PON2: variants seen among roughly 807,000 people sequenced by gnomAD.
PON2 encodes the protein serum paraoxonase/arylesterase 2.
PON2 carries 27 observed loss-of-function variants against 36.6 expected under a neutral mutation model. The ratio of observed to expected loss-of-function variants is 0.74; its 90% CI spans 0.54 to 1.02. PON2 has a LOEUF of 1.02. PON2 is among the 50% of genes least tolerant of loss of function. The probability of loss-of-function intolerance (pLI) is 0.00; values close to 1 mark genes in which losing one functional copy is unlikely to be tolerated. For synonymous variants in PON2, 149 were observed against 156.3 expected, an observed-to-expected ratio of 0.95 and a Z score of 0.35; for missense variants, 363 against 421.1, an observed-to-expected ratio of 0.86 and a Z score of 1.21.
chr7:95,428,541 G>A (rs940262960), intron 1 of PON2, among the ~76,000 whole-genome samples: 4 of 151,904 alleles, frequency 2.6e-5, no homozygotes, highest in East Asian at 1.9e-4. Flanking sequence ...CTTTTCTATC[G>A]CATTTCAGTT....
Position 95,405,401 on chromosome 7 carries a change from C to T in PON2, c.994G>A (p.Val332Ile), listed in dbSNP as rs1286644936. The change falls in exon 9 of 9, where the codon GTA becomes ATA. Residue 332 changes from valine to isoleucine, a missense_variant. Transcript: ENST00000222572. ...AGCTTCCCATCATACACTGAGGCTA[C>T]AGAACTTCCTTGGAGAACAGACCCA... ...NNGSVLQGSS[V>I]ASVYDGKLLI... is the part of the protein sequence containing the mutation. 6.2e-7 allele frequency: 1 copy of T among 1,613,926 alleles called. No individual in the cohort carries two copies. The highest frequency in any genetic ancestry group is 1.7e-5 in the Admixed American group (1 of 60,022).
intron 2 of PON2, among the ~76,000 whole-genome samples, chr7:95,417,206 A>G (rs941107511): frequency 1.3e-5 from 2 of 152,198 alleles, no homozygotes; most frequent in African/African-American, 4.8e-5. Flanking sequence ...AACAGCATCT[A>G]TCTATCCAGC....
intron 3 of PON2, chr7:95,413,008 G>GT (rs1788972126): frequency 1.2e-5 from 2 of 162,394 alleles, no homozygotes; most frequent in South Asian, 3.5e-4. Context: ...GTCAGGCCTG[G>GT]TGGCTCATGC....
In PON2 at chr7:95,412,452, C is replaced by T; in HGVS notation, c.227G>A (p.Ser76Asn). 2.5e-6 allele frequency: 4 copies of T among 1,614,058 alleles called. No individual in the cohort carries two copies. The highest frequency in any genetic ancestry group is 3.4e-6 in the Non-Finnish European group (4 of 1,179,990). Reference sequence around the variant, plus strand: ...TCCTCCAGGCTTATCTGGTGCAAAGCTGTGGAGTCCTGGGAATTTTAGACC... The same window carrying T: ...TCCTCCAGGCTTATCTGGTGCAAAGTTGTGGAGTCCTGGGAATTTTAGACC... ...SVGLKFPGLH[S>N]FAPDKPGGIL... Residue 76 changes from serine (S) to asparagine (N), a missense_variant, in exon 4 of 9, where the codon AGC (serine) becomes AAC (asparagine). Ser to Asn is a conservative substitution (Grantham distance 46). Transcript: ENST00000222572.
chr7:95,422,774 G>A (rs1190470685), intron 2 of PON2, among the ~76,000 whole-genome samples: 1 of 152,172 alleles, frequency 6.6e-6, no homozygotes, highest in Non-Finnish European at 1.5e-5. Context: ...GGATGTTGTT[G>A]TAAAGGACTA....
rs574607924 is a variant in PON2 at position 95,427,990 on chromosome 7, C to T, written c.75-3405G>A. Among the ~76,000 whole-genome samples the T allele has an allele frequency of 2.6e-5, 4 of 152,298 alleles. No homozygotes were observed. In the South Asian group the frequency reaches 8.3e-4, roughly 32 times the overall value. Reference sequence around the variant, plus strand: ...ACTTTTGCTAGAGCCTATTTGTTCCCTAACACTTTATGTCTATAACATGCT... The same window carrying T: ...ACTTTTGCTAGAGCCTATTTGTTCCTTAACACTTTATGTCTATAACATGCT... On this transcript the variant is annotated intron_variant, in intron 1 of 8. Transcript: ENST00000222572.
intron 2 of PON2, among the ~76,000 whole-genome samples, chr7:95,422,972 A>AG (rs1789228425): frequency 6.6e-6 from 1 of 152,200 alleles, no homozygotes; most frequent in Admixed American, 6.5e-5. Context: ...ACTAGAAACT[A>AG]GGTGTTTTGA....
In PON2 at chr7:95,426,814, T is replaced by C. The variant is rs17876077; in HGVS notation, c.75-2229A>G. ...TTAGTATCATGCATTGGTTTGGATG[T>C]CAATTTTACACAACTTACTACTATG... On this transcript the variant is annotated intron_variant, in intron 1 of 8. Coordinates refer to ENST00000222572, the MANE Select transcript of PON2 (RefSeq NM_000305.3). Among the ~76,000 whole-genome samples, 350 of 152,362 alleles carry C rather than the reference T, an allele frequency of 2.3e-3. 1 individual carries two copies. Among genetic ancestry groups the C allele is most frequent in the African/African-American group, 8.0e-3 (332 of 41,590 alleles).
chr7:95,432,275 T>C (rs1349265018), intron 1 of PON2, among the ~76,000 whole-genome samples: 1 of 152,098 alleles, frequency 6.6e-6, no homozygotes, highest in Non-Finnish European at 1.5e-5. Flanking sequence ...CTGGGCATGG[T>C]AGCATGCATC....
intron 7 of PON2, 62 bp from the exon 8 acceptor site, chr7:95,406,309 G>T: frequency 6.5e-7 from 1 of 1,550,238 alleles, no homozygotes; most frequent in Non-Finnish European, 8.9e-7. Flanking sequence ...ATAATTTAGA[G>T]GTAACCTTCC....
intron 6 of PON2, 138 bp downstream of exon 6, chr7:95,409,763 A>G: frequency 2.9e-6 from 1 of 342,686 alleles, no homozygotes; most frequent in East Asian, 6.0e-5. Context: ...TTATATATAT[A>G]GTGTATCTAT....
At position 95,406,171 on chromosome 7, in the gene PON2, G is replaced by C. The variant is rs1809685737; in HGVS notation, c.854C>G (p.Pro285Arg). 1.9e-6 allele frequency: 3 copies of C among 1,613,562 alleles called. No homozygotes were observed. The African/African-American group carries it at 4.0e-5, about 22-fold the overall frequency. ...SSGDIWVGCH[P>R]NGQKLFVYDP... is the part of the protein sequence containing the mutation. Reference sequence around the variant, plus strand: ...ATACACGAAGAGCTTCTGGCCATTAGGATGACAGCCTACCCAGATGTCCCC... The same window carrying C: ...ATACACGAAGAGCTTCTGGCCATTACGATGACAGCCTACCCAGATGTCCCC... The change falls in exon 8 of 9, where the codon CCT (proline) becomes CGT (arginine). Residue 285 changes from proline to arginine, a missense_variant. Physicochemically the swap from Pro to Arg is moderately radical, Grantham distance 103 (BLOSUM62 -2). Coordinates refer to ENST00000222572, the MANE Select transcript of PON2 (RefSeq NM_000305.3).
At chr7:95,422,795 A>G (rs1489804072) in intron 2 of PON2, among the ~76,000 whole-genome samples, 1 of 152,210 alleles carries the variant, frequency 6.6e-6, no homozygotes, top group Non-Finnish European at 1.5e-5. Context: ...GAAGTGACTC[A>G]ATGACAGTCT....
At chr7:95,408,832 G>A (rs1379258742) in intron 6 of PON2, among the ~76,000 whole-genome samples, 1 of 152,064 alleles carries the variant, frequency 6.6e-6, no homozygotes, top group Non-Finnish European at 1.5e-5. Flanking sequence ...AATTCTGGAG[G>A]ACAATTTGGC....
chr7:95,421,784 G>A (rs1345392280), intron 2 of PON2, among the ~76,000 whole-genome samples: 1 of 152,150 alleles, frequency 6.6e-6, no homozygotes, highest in Non-Finnish European at 1.5e-5. Context: ...ATGAGAGGCA[G>A]ATCAACCTGA....
chr7:95,411,531 T>C, intron 5 of PON2, 122 bp downstream of exon 5: 4 of 1,235,582 alleles, frequency 3.2e-6, no homozygotes, highest in South Asian at 1.4e-5. Flanking sequence ...ATAAGCTCTT[T>C]AGCTCTTACA....
Position 95,406,227 on chromosome 7 carries a change from C to T in PON2, c.798G>A (p.Leu266=). The change falls in exon 8 of 9, where the codon CTG becomes CTA. Residue 266 remains leucine, a synonymous_variant. Transcript: ENST00000222572. ...AAGGATCAATAGATAAATTATCCAC[C>T]AGTGTATCCAGCTCAAGTACCTTCC... ...TQLKVLELDT[L]VDNLSIDPSS... is the part of the protein sequence containing the mutation. 2 of 1,611,400 alleles carry T rather than the reference C, an allele frequency of 1.2e-6. No individual in the cohort carries two copies. Among genetic ancestry groups the T allele is most frequent in the Non-Finnish European group, 1.7e-6 (2 of 1,177,606 alleles).
chr7:95,424,708 G>A, intron 1 of PON2, 123 bp from the exon 2 acceptor site: 2 of 725,286 alleles, frequency 2.8e-6, no homozygotes, highest in Non-Finnish European at 4.6e-6. Context: ...GTCTAAAGCA[G>A]ATGAAAGAGA....
intron 5 of PON2, among the ~76,000 whole-genome samples, chr7:95,410,688 ATTT>A (rs1788900795): frequency 6.8e-6 from 1 of 146,560 alleles, no homozygotes; most frequent in Non-Finnish European, 1.6e-5. Flanking sequence ...CAGGTGAGAG[ATTT>A]ATATGCTAAA....
Sources: gnomAD v4.1 joint callset for allele counts (sites outside exome capture counted in the v4.1 genomes callset) on GRCh38, gnomAD v4.1.1 for gene constraint, MANE v1.5 for transcripts, NCBI Gene and HGNC (gene_info 2026-07-23, HGNC 2026-07-21) for gene names.